RMDN2: variants seen among roughly 807,000 people sequenced by gnomAD.
RMDN2 encodes the protein regulator of microtubule dynamics 2.
In RMDN2, 61 loss-of-function variants were observed where a neutral mutation model predicts 52.8. The observed-to-expected ratio is 1.16, with a 90% CI of 0.94 to 1.43. RMDN2 has a LOEUF of 1.43. RMDN2 is among the 40% of genes most tolerant of loss of function. RMDN2 has a pLI of 0.00. For synonymous variants in RMDN2, 180 were observed against 153.1 expected (o/e 1.18, Z -1.30); for missense variants, 592 against 475.3 (o/e 1.25, Z -2.28).
intron 10 of RMDN2, among the ~76,000 whole-genome samples, chr2:38,061,891 C>G (rs1470464039): frequency 6.6e-6 from 1 of 152,160 alleles, no homozygotes; most frequent in African/African-American, 2.4e-5. Flanking sequence ...TGGTATTCTG[C>G]CTCCTGTTCT....
At position 37,929,333 on chromosome 2, in the gene RMDN2, G is replaced by C; in HGVS notation, c.56G>C (p.Gly19Ala). 1 of 1,551,892 alleles carries C rather than the reference G, an allele frequency of 6.4e-7. No homozygotes were observed. The highest frequency in any genetic ancestry group is 2.4e-5 in the East Asian group (1 of 40,908). Residue 19 changes from glycine (G) to alanine (A), a missense_variant, in exon 2 of 11, where the codon GGA becomes GCA. Transcript: ENST00000354545. ...CTTGGCATCATGGTGGGCACTGCTG[G>C]AATCAGCTTGCTGCTCTTGTGGTAC... Reference protein sequence around the residue: ...LILGIMVGTAGISLLLLWYHK... With the variant: ...LILGIMVGTAAISLLLLWYHK...
At chr2:37,977,486 G>A (rs1334967590) in intron 4 of RMDN2, among the ~76,000 whole-genome samples, 4 of 151,444 alleles carry the variant, frequency 2.6e-5, no homozygotes, top group Non-Finnish European at 5.9e-5. Flanking sequence ...CCTCCCGGAC[G>A]GGGCGGCTGC....
chr2:37,951,127 C>G, intron 2 of RMDN2: 2 of 1,079,308 alleles, frequency 1.9e-6, no homozygotes, highest in South Asian at 1.7e-5. Context: ...GGAAACAATA[C>G]CAATTGGTGG....
In RMDN2 at chr2:38,004,793, A is replaced by G. The variant is rs979701060; in HGVS notation, c.1179+577A>G. 7.9e-5 allele frequency among the ~76,000 whole-genome samples: 12 copies of G among 151,848 alleles called. No individual in the cohort carries two copies. The East Asian group carries it at 9.7e-4, about 12-fold the overall frequency. On this transcript the variant is annotated intron_variant, in intron 10 of 10. Transcript: ENST00000354545. ...TGTGCCATGTTGGTGTGCTGCACCCATTAACTCGTCATTTAACATTAGGTA... is the reference window on the plus strand; with the variant it reads ...TGTGCCATGTTGGTGTGCTGCACCCGTTAACTCGTCATTTAACATTAGGTA...
chr2:37,945,930 A>G (rs1199373876), intron 2 of RMDN2, among the ~76,000 whole-genome samples: 3 of 152,194 alleles, frequency 2.0e-5, no homozygotes, highest in African/African-American at 7.2e-5. Context: ...GAAGGTGCAT[A>G]TGAAATACCT....
chr2:37,948,128 A>T (rs1182710603), intron 2 of RMDN2, among the ~76,000 whole-genome samples: 3 of 152,200 alleles, frequency 2.0e-5, no homozygotes, highest in Non-Finnish European at 4.4e-5. Context: ...ATCAGCATCC[A>T]GTCTTGCCTG....
At chr2:38,014,724 G>A (rs1439180051) in intron 10 of RMDN2, among the ~76,000 whole-genome samples, 2 of 152,100 alleles carry the variant, frequency 1.3e-5, no homozygotes, top group Non-Finnish European at 2.9e-5. Context: ...TGTGTGTTTG[G>A]GTGAAAGAGA....
At chr2:37,979,351 A>C (rs889989405) in intron 4 of RMDN2, among the ~76,000 whole-genome samples, 5 of 152,324 alleles carry the variant, frequency 3.3e-5, no homozygotes, top group African/African-American at 9.6e-5. Flanking sequence ...TATAAGGAGT[A>C]AGTGCTTAGT....
intron 3 of RMDN2, chr2:37,974,814 T>C (rs575640839): frequency 1.1e-5 from 2 of 178,606 alleles, no homozygotes; most frequent in South Asian, 2.7e-4. Context: ...ACTGCTCTTT[T>C]GAGTATATGC....
chr2:37,951,553 C>T (rs749362786), intron 2 of RMDN2: 2 of 1,612,666 alleles, frequency 1.2e-6, no homozygotes, highest in Non-Finnish European at 1.7e-6. Context: ...ATAAAATCTT[C>T]CTCAGACCAT....
Position 38,046,504 on chromosome 2 carries a change from T to C in RMDN2, c.1714-20478T>C, listed in dbSNP as rs1347364470. On this transcript the variant is annotated intron_variant, in intron 10 of 10. Coordinates refer to the RMDN2 transcript ENST00000234195. ...TTTGATGAAAAACATTAGATATCTA[T>C]GAGGCTCAAAGAATTTAAAAAAAGA... Among the ~76,000 whole-genome samples, 6 of 152,162 alleles carry C rather than the reference T, an allele frequency of 3.9e-5. No homozygotes were observed. The East Asian group carries it at 1.2e-3, about 29-fold the overall frequency.
intron 2 of RMDN2, among the ~76,000 whole-genome samples, chr2:37,963,779 A>G (rs1670615376): frequency 1.3e-5 from 2 of 152,128 alleles, no homozygotes; most frequent in African/African-American, 2.4e-5. Flanking sequence ...CCCCCTTTCT[A>G]TTCCACAAAA....
chr2:38,003,355 C>G (rs1172489614), intron 8 of RMDN2, among the ~76,000 whole-genome samples: 1 of 152,068 alleles, frequency 6.6e-6, no homozygotes, highest in Non-Finnish European at 1.5e-5. Flanking sequence ...GAGTTTGAGA[C>G]AAGCCTGGAC....
At chr2:38,007,284 C>A (rs1677242452) in intron 10 of RMDN2, among the ~76,000 whole-genome samples, 1 of 152,124 alleles carries the variant, frequency 6.6e-6, no homozygotes, top group Admixed American at 6.6e-5. Context: ...GGAATGGTAC[C>A]AGCTCCTCCT....
chr2:37,924,139 C>T (rs1229017932), upstream of RMDN2, among the ~76,000 whole-genome samples: 1 of 152,164 alleles, frequency 6.6e-6, no homozygotes, highest in Non-Finnish European at 1.5e-5. Context: ...CTTAAAGAGC[C>T]TATAGAATCC....
chr2:38,039,093 C>CACAGAG (rs1317093706), intron 10 of RMDN2, among the ~76,000 whole-genome samples: 8 of 91,688 alleles, frequency 8.7e-5, no homozygotes, highest in African/African-American at 2.4e-4. Flanking sequence ...CACACACACA[C>CACAGAG]AGAGAGAGAG....
chr2:37,930,097 G>A (rs1482879343), intron 2 of RMDN2, among the ~76,000 whole-genome samples: 2 of 152,210 alleles, frequency 1.3e-5, no homozygotes, highest in Non-Finnish European at 2.9e-5. Flanking sequence ...GATGGAAATG[G>A]TCCAAGTCTG....
chr2:38,049,599 G>T lies in RMDN2; in HGVS notation c.1714-17383G>T, dbSNP rs554819046. ...TTTTTTATTGCATTTTAGAGCCAAG[G>T]TCTCACTCTGTCATCCAGCCTGGAG... On this transcript the variant is annotated intron_variant, in intron 10 of 10. Transcript: ENST00000234195. 5.9e-5 allele frequency among the ~76,000 whole-genome samples: 9 copies of T among 152,200 alleles called. No individual in the cohort carries two copies. The South Asian group carries it at 1.9e-3, about 32-fold the overall frequency.
At chr2:37,974,388 A>C (rs1343031625) in intron 3 of RMDN2, among the ~76,000 whole-genome samples, 174 bp downstream of exon 3, 1 of 152,022 alleles carries the variant, frequency 6.6e-6, no homozygotes, top group Admixed American at 6.5e-5. Flanking sequence ...TTTAAGATGC[A>C]TAAAATTTTA....
Sources: gnomAD v4.1 joint callset for allele counts (sites outside exome capture counted in the v4.1 genomes callset) on GRCh38, gnomAD v4.1.1 for gene constraint, MANE v1.5 for transcripts, NCBI Gene and HGNC (gene_info 2026-07-23, HGNC 2026-07-21) for gene names.